CLCN5: variants seen among roughly 807,000 people sequenced by gnomAD.
The protein encoded by CLCN5 is Cl-/H+ antiporter 5, also known as H(+)/Cl(-) exchange transporter 5.
A neutral mutation model predicts 54.0 loss-of-function variants in CLCN5; 17 were observed. The observed-to-expected ratio is 0.31, with a 90% CI of 0.22 to 0.47. CLCN5 has a LOEUF of 0.47. Among genes scored for constraint, CLCN5 ranks in the 20% least tolerant of loss-of-function variants. CLCN5 has a pLI of 1.00. For missense variants in CLCN5, 448 were observed against 646.7 expected (o/e 0.69, Z 3.33); for synonymous variants, 222 against 233.0 (o/e 0.95, Z 0.43).
At chrX:49,978,769 T>C (rs978989073) in intron 3 of CLCN5, among the ~76,000 whole-genome samples, 1 of 112,137 alleles carries the variant, frequency 8.9e-6, no homozygotes, top group Non-Finnish European at 1.9e-5. Context: ...AAGTGTGCCT[T>C]TTATTTAGTG....
chrX:50,043,365 T>G (rs541523916), intron 4 of CLCN5, among the ~76,000 whole-genome samples: 1 of 112,083 alleles, frequency 8.9e-6, no homozygotes, highest in South Asian at 3.7e-4. Context: ...ACAAACAACC[T>G]TGCATCTATG....
At chrX:49,957,417 T>G (rs191879634) in intron 3 of CLCN5, among the ~76,000 whole-genome samples, 1 of 112,580 alleles carries the variant, frequency 8.9e-6, no homozygotes, top group African/African-American at 3.2e-5. Context: ...TTAAACTGTT[T>G]TAACCATTTT....
At chrX:50,003,032 A>G (rs1406746719) in intron 3 of CLCN5, 10 of 266,994 alleles carry the variant, frequency 3.7e-5, no homozygotes, top group South Asian at 1.5e-4. Context: ...TTCTGAAGGT[A>G]CATATGTGAA....
At chrX:50,077,935 G>A (rs1225383307) in intron 7 of CLCN5, among the ~76,000 whole-genome samples, 1 of 105,090 alleles carries the variant, frequency 9.5e-6, no homozygotes, top group Non-Finnish European at 1.9e-5. Context: ...GGCTGAGGCA[G>A]GAGAATCACT....
chrX:50,031,890 C>T (rs1931718978), intron 3 of CLCN5, among the ~76,000 whole-genome samples: 1 of 74,335 alleles, frequency 1.3e-5, no homozygotes, highest in African/African-American at 5.5e-5. Context: ...CCACAACAGT[C>T]CCCAGAGTGT....
At chrX:50,037,976 C>CA (rs1557186714) in intron 3 of CLCN5, among the ~76,000 whole-genome samples, 1 of 111,375 alleles carries the variant, frequency 9.0e-6, no homozygotes, top group Non-Finnish European at 1.9e-5. Context: ...TAAAAGGACT[C>CA]AGAGTTCCTG....
chrX:49,943,699 G>C (rs1271241144), intron 3 of CLCN5, among the ~76,000 whole-genome samples: 1 of 111,591 alleles, frequency 9.0e-6, no homozygotes, highest in Non-Finnish European at 1.9e-5. Context: ...GTTTGTCAAA[G>C]ATCAGATGGT....
intron 3 of CLCN5, among the ~76,000 whole-genome samples, chrX:50,011,397 T>A (rs1182930263): frequency 8.9e-6 from 1 of 112,425 alleles, no homozygotes; most frequent in Non-Finnish European, 1.9e-5. Context: ...ATGTTGTGGA[T>A]GAATAGGCCA....
intron 14 of CLCN5, among the ~76,000 whole-genome samples, chrX:50,091,709 A>G (rs1471065084): frequency 1.8e-5 from 2 of 111,925 alleles, no homozygotes; most frequent in African/African-American, 6.5e-5. Context: ...AGCAGTGGTT[A>G]TAGTACAATA....
chrX:49,924,145 A>AT (rs34424526), intron 2 of CLCN5, among the ~76,000 whole-genome samples: 11,393 of 84,396 alleles, frequency 0.13, 847 homozygotes, highest in East Asian at 0.32. Flanking sequence ...CCTAGCTCCT[A>AT]TTTTTTTTTT....
At chrX:50,084,767 AC>A (rs1294766728) in intron 9 of CLCN5, among the ~76,000 whole-genome samples, 1 of 111,963 alleles carries the variant, frequency 8.9e-6, no homozygotes, top group Non-Finnish European at 1.9e-5. Flanking sequence ...ATCAGCGGCA[AC>A]CTTTTTTGTC....
At chrX:49,945,901 C>T (rs1663533317) in intron 3 of CLCN5, among the ~76,000 whole-genome samples, 1 of 108,700 alleles carries the variant, frequency 9.2e-6, no homozygotes, top group East Asian at 2.9e-4. Context: ...GGACTACAGG[C>T]ACACGCTGCC....
chrX:49,926,263 C>T (rs73634229), intron 3 of CLCN5, among the ~76,000 whole-genome samples: 3 of 112,162 alleles, frequency 2.7e-5, no homozygotes, highest in Non-Finnish European at 3.8e-5. Flanking sequence ...TTTATGGAAA[C>T]GGGATTTGGC....
chrX:49,990,908 T>C (rs908540542), intron 3 of CLCN5, among the ~76,000 whole-genome samples: 9 of 112,720 alleles, frequency 8.0e-5, no homozygotes, highest in African/African-American at 2.6e-4. Flanking sequence ...GGCTGAGTAA[T>C]ATTCCATGGC....
At chrX:50,026,349 T>C (rs1273305340) in intron 3 of CLCN5, among the ~76,000 whole-genome samples, 1 of 112,017 alleles carries the variant, frequency 8.9e-6, no homozygotes, top group Non-Finnish European at 1.9e-5. Flanking sequence ...TCTGCTGTTG[T>C]TAAATGAAGT....
At chrX:50,064,024 C>A (rs1370600696) in intron 4 of CLCN5, among the ~76,000 whole-genome samples, 1 of 105,797 alleles carries the variant, frequency 9.5e-6, no homozygotes, top group East Asian at 3.0e-4. Flanking sequence ...ATAATAAGAG[C>A]TATCTATGAC....
chrX:50,025,491 C>A (rs1057007443), intron 3 of CLCN5, among the ~76,000 whole-genome samples: 1 of 110,755 alleles, frequency 9.0e-6, no homozygotes, highest in Non-Finnish European at 1.9e-5. Context: ...ATTCGGCCAT[C>A]TTGGCTCCTC....
chrX:49,938,012 G>C (rs1324666024), intron 3 of CLCN5, among the ~76,000 whole-genome samples: 1 of 111,575 alleles, frequency 9.0e-6, no homozygotes, highest in Non-Finnish European at 1.9e-5. Flanking sequence ...TCAAAGGGTT[G>C]TCTGTCAGAA....
chrX:50,040,559 CAT>C (rs1398227752), intron 3 of CLCN5, among the ~76,000 whole-genome samples: 1 of 111,955 alleles, frequency 8.9e-6, no homozygotes, highest in Non-Finnish European at 1.9e-5. Context: ...TTTAAATTGA[CAT>C]ATAATTGTAC....
Sources: allele counts gnomAD v4.1 joint callset (sites outside exome capture counted in the v4.1 genomes callset), GRCh38; gene constraint gnomAD v4.1.1; transcripts MANE v1.5; gene names NCBI Gene and HGNC (gene_info 2026-07-23, HGNC 2026-07-21).